GON4L: variants seen among roughly 807,000 people sequenced by gnomAD.
GON4L encodes the protein GON-4-like protein.
Under a neutral mutation model 211.8 loss-of-function variants are expected in GON4L, and 87 were observed. That is an observed-to-expected ratio of 0.41 (90% CI 0.35 to 0.49). The LOEUF (loss-of-function observed/expected upper bound fraction) is 0.49, where lower values mean the gene tolerates loss of function less well. Ranked by LOEUF, GON4L falls within the 20% of genes least tolerant of loss-of-function variation. GON4L has a pLI of 0.15. For missense variants in GON4L, 2,155 were observed against 2,659.5 expected, an observed-to-expected ratio of 0.81 and a Z score of 4.17; for synonymous variants, 875 against 962.6, an observed-to-expected ratio of 0.91 and a Z score of 1.68.
At chr1:155,819,164 ATG>A (rs1375558367) in intron 6 of GON4L, among the ~76,000 whole-genome samples, 1 of 78,282 alleles carries the variant, frequency 1.3e-5, no homozygotes, top group East Asian at 2.2e-3. Context: ...TTAGCCGGGC[ATG>A]GTGGCACGCA....
chr1:155,849,773 CAAAAAAAAA>C (rs11330008), intron 2 of GON4L, among the ~76,000 whole-genome samples: 1 of 77,310 alleles, frequency 1.3e-5, no homozygotes, highest in East Asian at 3.4e-4. Flanking sequence ...GACTCCGTCT[CAAAAAAAAA>C]AAAAAAAAAA....
rs573725841 is a variant in GON4L, at chr1:155,803,664, A to G, written c.1645+1285T>C. On this transcript the variant is annotated intron_variant, in intron 11 of 31. Transcript: ENST00000368331. ...CCACACTGTTCTATGAGGTGCTATC[A>G]ATCACCAGACTCCATGCTGAACAGT... Among the ~76,000 whole-genome samples the G allele has an allele frequency of 2.6e-5, 4 of 152,292 alleles. No individual in the cohort carries two copies. The East Asian group carries it at 7.7e-4, about 29-fold the overall frequency.
rs781590103 is a variant in GON4L at position 155,853,479 on chromosome 1, T to C, written c.302A>G (p.Gln101Arg). 43 of 1,614,040 alleles carry C rather than the reference T, an allele frequency of 2.7e-5. No individual in the cohort carries two copies. The highest frequency in any genetic ancestry group is 3.3e-4 in the Middle Eastern group (2 of 6,084). ...ILEGVDVAIS[Q>R]GITLPSLESF... ...CTCCAAGGAAGGTAGGGTGATTCCC[T>C]GAGAGATGGCCACATCAACACCTTC... Residue 101 changes from glutamine (Q) to arginine (R), a missense_variant, in exon 2 of 32, where the codon CAG (glutamine) becomes CGG (arginine). This residue lies in a region of GON4L where 313 missense variants were observed against 293.2 expected (regional missense o/e 1.07). Transcript: ENST00000368331.
chr1:155,778,942 C>G (rs1048269841), intron 14 of GON4L, among the ~76,000 whole-genome samples: 5 of 151,962 alleles, frequency 3.3e-5, no homozygotes, highest in Non-Finnish European at 5.9e-5. Flanking sequence ...TTATCTACTG[C>G]TGTAATATCG....
At chr1:155,778,410 C>T (rs1339778020) in intron 14 of GON4L, among the ~76,000 whole-genome samples, 1 of 152,138 alleles carries the variant, frequency 6.6e-6, no homozygotes, top group Admixed American at 6.6e-5. Context: ...TGCCACCACG[C>T]CCAGCTAATT....
rs1186645037 is a variant in GON4L at position 155,853,824 on chromosome 1, T to G, written c.-26-18A>C. On this transcript the variant is annotated intron_variant, in intron 1 of 31. Transcript: ENST00000368331. ...GTTCCATTCTGAAAGAATAAAAAGT[T>G]CTTACTGCCTTCATATTAATTAAAA... 2.7e-6 allele frequency: 4 copies of G among 1,458,232 alleles called. No homozygotes were observed. In the Admixed American group the frequency reaches 6.8e-5, roughly 25 times the overall value. 90.3% of individuals were successfully genotyped at this position (1,458,232 alleles called of 1,614,324 possible).
Position 155,766,123 on chromosome 1 carries a change from C to T in GON4L, c.3350G>A (p.Arg1117Gln), listed in dbSNP as rs371506856. ...GACTCCTCTTCTCTTTGAGGGTCTC[C>T]GTCTCACATATGGCTTTCGAAACTT... Reference protein sequence around the residue: ...PSKFRKPYVRRRPSKRRGVKA... With the variant: ...PSKFRKPYVRQRPSKRRGVKA... Residue 1117 changes from arginine (R) to glutamine (Q), a missense_variant, in exon 21 of 32, where the codon CGG (arginine) becomes CAG (glutamine). Physicochemically the swap from Arg to Gln is conservative, Grantham distance 43. This residue lies in a region of GON4L where 615 missense variants were observed against 625.7 expected (regional missense o/e 0.98). Coordinates refer to ENST00000368331, the MANE Select transcript of GON4L (RefSeq NM_001282860.2). The T allele has an allele frequency of 4.3e-5, 69 of 1,613,926 alleles. No individual in the cohort carries two copies. The highest frequency in any genetic ancestry group is 4.2e-4 in the Admixed American group (25 of 59,978).
At chr1:155,818,470 C>T (rs1205726237) in intron 6 of GON4L, among the ~76,000 whole-genome samples, 2 of 152,122 alleles carry the variant, frequency 1.3e-5, no homozygotes, top group Non-Finnish European at 2.9e-5. Context: ...CTGATGGCTG[C>T]TTTCATCATA....
At position 155,770,999 on chromosome 1, in the gene GON4L, A is replaced by G. The variant is rs1663135590; in HGVS notation, c.2646+68T>C. On this transcript the variant is annotated intron_variant, in intron 19 of 31. Transcript: ENST00000368331. ...AAAGAAGGTTCCTCTTTTCTTTGAG[A>G]ATAACAAGATAAAAGAATGGGTACA... 4 of 1,602,818 alleles carry G rather than the reference A, an allele frequency of 2.5e-6. No individual in the cohort carries two copies. The Admixed American group carries it at 5.0e-5, about 20-fold the overall frequency.
Position 155,853,650 on chromosome 1 carries a change from G to A in GON4L, c.131C>T (p.Ser44Leu), listed in dbSNP as rs141714959. 301 of 1,613,972 alleles carry A rather than the reference G, an allele frequency of 1.9e-4. No homozygotes were observed. The highest frequency in any genetic ancestry group is 4.2e-4 in the Admixed American group (25 of 60,006). ...ACTTGGATCCCAGGATAGTGACACC[G>A]AACTCAAGTCCTTAACCTGGTCAGA... ...PESDQVKDLS[S>L]VSLSWDPSHG... Residue 44 changes from serine (S) to leucine (L), a missense_variant, in exon 2 of 32, where the codon TCG becomes TTG. Physicochemically the swap from Ser to Leu is moderately radical, Grantham distance 145. Around this residue, in one of 6 missense-constraint regions of GON4L, gnomAD observed 313 missense variants for 293.2 expected, o/e 1.07. Coordinates refer to ENST00000368331, the MANE Select transcript of GON4L (RefSeq NM_001282860.2).
Position 155,750,321 on chromosome 1 carries a change from A to G in GON4L, c.*263T>C. 1 of 608,756 alleles carries G rather than the reference A, an allele frequency of 1.6e-6. No homozygotes were observed. Among genetic ancestry groups the G allele is most frequent in the South Asian group, 2.0e-5 (1 of 49,418 alleles). 37.7% of individuals were successfully genotyped at this position (608,756 alleles called of 1,614,324 possible). A position where few individuals can be genotyped will look rare whatever the true frequency, so the allele number is the denominator to read the frequency against. ...AAATATGTGCCATCAGACCAAAAAA[A>G]AGTAGAGAAAGGAGCTGAACTCCAC... On this transcript the variant is annotated 3_prime_UTR_variant, in exon 32 of 32. Transcript: ENST00000368331.
chr1:155,784,713 C>T (rs1664771643), intron 13 of GON4L: 1 of 167,594 alleles, frequency 6.0e-6, no homozygotes. Flanking sequence ...AATGAAAAAT[C>T]TTTTGAAACA....
At chr1:155,819,013 G>C (rs1441785272) in intron 6 of GON4L, among the ~76,000 whole-genome samples, 5 of 151,790 alleles carry the variant, frequency 3.3e-5, no homozygotes, top group Non-Finnish European at 7.4e-5. Flanking sequence ...AAAAAGGCCA[G>C]GCACAGTGGC....
intron 11 of GON4L, among the ~76,000 whole-genome samples, chr1:155,796,794 G>A (rs1448080362): frequency 6.6e-6 from 1 of 151,578 alleles, no homozygotes; most frequent in African/African-American, 2.4e-5. Context: ...CATGTGACTT[G>A]AGAAATGCAG....
chr1:155,784,132 T>C, intron 13 of GON4L, 43 bp from the exon 14 acceptor site: 1 of 1,608,296 alleles, frequency 6.2e-7, no homozygotes, highest in African/African-American at 1.3e-5. Context: ...GGAATGGGCC[T>C]CTGAATGTTG....
At chr1:155,753,563 G>C (rs1201328101) in intron 28 of GON4L, 149 bp from the exon 29 acceptor site, 23 of 646,934 alleles carry the variant, frequency 3.6e-5, no homozygotes, top group Non-Finnish European at 2.5e-5. Context: ...GTTTCAACTG[G>C]GTGCAGTGGT....
At chr1:155,787,840 A>G (rs1665115643) in intron 12 of GON4L, among the ~76,000 whole-genome samples, 1 of 152,228 alleles carries the variant, frequency 6.6e-6, no homozygotes, top group South Asian at 2.1e-4. Flanking sequence ...GCTACTTGGG[A>G]GGCTGAGGCA....
rs554858018 is a variant in GON4L, at chr1:155,854,076, C to T, written c.-26-270G>A. On this transcript the variant is annotated intron_variant, in intron 1 of 31. Coordinates refer to ENST00000368331, the MANE Select transcript of GON4L (RefSeq NM_001282860.2). ...TACCCTCAACAGTAAAAAATAATTG[C>T]TCTTACTTCATAGAATTGTTACAAT... Among the ~76,000 whole-genome samples, 136 of 152,132 alleles carry T rather than the reference C, an allele frequency of 8.9e-4. 1 individual carries two copies. Among genetic ancestry groups the T allele is most frequent in the Non-Finnish European group, 1.2e-3 (79 of 68,030 alleles).
chr1:155,795,228 T>C, intron 11 of GON4L, 77 bp from the exon 12 acceptor site: 3 of 882,194 alleles, frequency 3.4e-6, no homozygotes, highest in Non-Finnish European at 5.7e-6. Context: ...TAAAGCACAT[T>C]TATTCTTTAT....
Sources: gnomAD v4.1 joint callset for allele counts (sites outside exome capture counted in the v4.1 genomes callset) on GRCh38, gnomAD v4.1.1 for gene constraint, gnomAD v4.1.1 regional missense constraint, MANE v1.5 for transcripts, NCBI Gene and HGNC (gene_info 2026-07-23, HGNC 2026-07-21) for gene names.